The following LRRK2 variants were observed in gnomAD, a reference collection of about 807,000 sequenced individuals.
LRRK2 encodes the protein leucine rich repeat kinase 2.
Under a neutral mutation model 302.6 loss-of-function variants are expected in LRRK2, and 203 were observed. The ratio of observed to expected loss-of-function variants is 0.67; its 90% CI spans 0.60 to 0.75. The LOEUF (loss-of-function observed/expected upper bound fraction) is 0.75. Among genes scored for constraint, LRRK2 ranks in the 30% least tolerant of loss-of-function variants. LRRK2 has a pLI of 0.00. For missense variants in LRRK2, 2,830 were observed against 2,951.0 expected (o/e 0.96, Z 0.95); for synonymous variants, 1,066 against 1,031.9 (o/e 1.03, Z -0.63).
rs776796340 is a variant in LRRK2, at chr12:40,302,863, G to A, written c.3571G>A (p.Ala1191Thr). 5 of 1,598,734 alleles carry A rather than the reference G, an allele frequency of 3.1e-6. No individual in the cohort carries two copies. The highest frequency in any genetic ancestry group is 4.3e-6 in the Non-Finnish European group (5 of 1,166,830). ...SQNKFSCIPE[A>T]ILNLPHLRSL... ...GAACAAATTTTCCTGTATTCCAGAA[G>A]CAATTTTAAATCTTCCACAGTAAGT... Residue 1191 changes from alanine (A) to threonine (T), a missense_variant, in exon 26 of 51, where the codon GCA becomes ACA. By Grantham distance (58) the Ala-to-Thr change is moderately conservative (BLOSUM62 0). Transcript: ENST00000298910.
intron 41 of LRRK2, among the ~76,000 whole-genome samples, chr12:40,342,487 T>TA (rs758294393): frequency 1.3e-5 from 2 of 151,506 alleles, no homozygotes; most frequent in Admixed American, 1.3e-4. Context: ...AGCTTTTTTT[T>TA]TTTTTCTGGC....
In LRRK2 at chr12:40,340,293, G is replaced by C; in HGVS notation, c.5949-1G>C. ...AAGATTTCCTGTGCATTTTCTGGCA[G>C]ATACCTCCACTCAGCCATGATTATA... On this transcript the variant is annotated splice_acceptor_variant, in intron 40 of 50. Coordinates refer to ENST00000298910, the MANE Select transcript of LRRK2 (RefSeq NM_198578.4). LOFTEE classifies it high-confidence loss of function. 1 of 1,613,592 alleles carries C rather than the reference G, an allele frequency of 6.2e-7. No individual in the cohort carries two copies. The highest frequency in any genetic ancestry group is 8.5e-7 in the Non-Finnish European group (1 of 1,179,596).
In LRRK2 at chr12:40,305,944, T is replaced by A. The variant is rs778154154; in HGVS notation, c.3937T>A (p.Cys1313Ser). The A allele has an allele frequency of 1.2e-6, 2 of 1,610,744 alleles. No individual in the cohort carries two copies. The highest frequency in any genetic ancestry group is 1.7e-5 in the Admixed American group (1 of 59,802). ...TAACTTTGATTTTAAACATATAGGA[T>A]GTAAAGCCAAAGACATCATAAGGTT... ...HLNFDFKHIGCKAKDIIRFLQ... is the reference protein window; with the variant it reads ...HLNFDFKHIGSKAKDIIRFLQ... Residue 1313 changes from cysteine (C) to serine (S), a missense_variant, in exon 28 of 51, where the codon TGT (cysteine) becomes AGT (serine). Cys to Ser is a moderately radical substitution (Grantham distance 112, BLOSUM62 -1). Coordinates refer to ENST00000298910, the MANE Select transcript of LRRK2 (RefSeq NM_198578.4).
chr12:40,348,807 T>C (rs956859880), intron 43 of LRRK2, among the ~76,000 whole-genome samples: 2 of 152,116 alleles, frequency 1.3e-5, no homozygotes, highest in Non-Finnish European at 2.9e-5. Flanking sequence ...AAAAAATTTT[T>C]ATATATAACA....
intron 42 of LRRK2, among the ~76,000 whole-genome samples, chr12:40,347,334 A>T (rs958336313): frequency 5.3e-5 from 8 of 152,218 alleles, no homozygotes; most frequent in African/African-American, 1.7e-4. Context: ...AAGAATCGGT[A>T]AATGTGTATT....
chr12:40,337,654 A>G (rs1945915412), intron 40 of LRRK2, among the ~76,000 whole-genome samples: 1 of 152,168 alleles, frequency 6.6e-6, no homozygotes, highest in African/African-American at 2.4e-5. Context: ...TTGGTTCAGT[A>G]TGTCCAGGGA....
intron 7 of LRRK2, among the ~76,000 whole-genome samples, chr12:40,245,703 G>A (rs557221953): frequency 3.9e-5 from 6 of 152,008 alleles, no homozygotes; most frequent in South Asian, 2.1e-4. Flanking sequence ...TTTTTGCTAC[G>A]TATCTTATTT....
At chr12:40,350,462 G>A (rs1280031138) in intron 43 of LRRK2, among the ~76,000 whole-genome samples, 2 of 152,116 alleles carry the variant, frequency 1.3e-5, no homozygotes, top group East Asian at 1.9e-4. Context: ...ATTTTAAATT[G>A]TTTTTAGTTG....
chr12:40,330,496 A>G (rs1375749445), intron 39 of LRRK2, among the ~76,000 whole-genome samples: 2 of 152,102 alleles, frequency 1.3e-5, no homozygotes, highest in Non-Finnish European at 2.9e-5. Context: ...AACCTTTACA[A>G]GTATGTGTTT....
chr12:40,225,694 G>T, intron 2 of LRRK2, 54 bp downstream of exon 2: 1 of 1,463,928 alleles, frequency 6.8e-7, no homozygotes, highest in Non-Finnish European at 9.5e-7. Flanking sequence ...GGAAGGAGAC[G>T]TTTTACTGGC....
chr12:40,320,177 T>C lies in LRRK2; in HGVS notation c.5015+2T>C, dbSNP rs1945356623. 1 of 1,610,454 alleles carries C rather than the reference T, an allele frequency of 6.2e-7. No homozygotes were observed. The highest frequency in any genetic ancestry group is 8.5e-7 in the Non-Finnish European group (1 of 1,177,948). ...AGAATATTTGCTGGTTCCAAGCAGG[T>C]AAAGAAAACCTTAAAAAATTAATTG... On this transcript the variant is annotated splice_donor_variant, in intron 34 of 50. Coordinates refer to ENST00000298910, the MANE Select transcript of LRRK2 (RefSeq NM_198578.4). LOFTEE classifies it high-confidence loss of function.
chr12:40,348,586 A>G (rs1166513457), intron 43 of LRRK2, 77 bp downstream of exon 43: 1 of 910,306 alleles, frequency 1.1e-6, no homozygotes, highest in Admixed American at 2.1e-5. Flanking sequence ...CTTCAAATAT[A>G]TATACTTAAA....
At chr12:40,264,046 A>G (rs1283008900) in intron 14 of LRRK2, 145 bp downstream of exon 14, 11 of 634,266 alleles carry the variant, frequency 1.7e-5, no homozygotes, top group Non-Finnish European at 2.6e-5. Context: ...ATAAGATGAC[A>G]GTGGGGATGT....
chr12:40,321,136 A>C lies in LRRK2; in HGVS notation c.5118A>C (p.Ser1706=). ...CTTATTTTCCAATGGGATTTTGGTC[A>C]AGATTAATCAATCGATTACTTGAGA... ...EMPYFPMGFW[S]RLINRLLEIS... is the part of the protein sequence containing the mutation. The change falls in exon 35 of 51, where the codon TCA becomes TCC. Residue 1706 remains serine, a synonymous_variant. Transcript: ENST00000298910. 6.2e-7 allele frequency: 1 copy of C among 1,612,862 alleles called. No homozygotes were observed. Among genetic ancestry groups the C allele is most frequent in the East Asian group, 2.2e-5 (1 of 44,828 alleles).
chr12:40,304,577 A>G (rs1235106524), intron 27 of LRRK2: 2 of 163,760 alleles, frequency 1.2e-5, no homozygotes, highest in African/African-American at 4.8e-5. Context: ...ATTAACTCAA[A>G]TTATTCTTAA....
chr12:40,362,679 A>G (rs1412068956), intron 47 of LRRK2, among the ~76,000 whole-genome samples: 1 of 152,106 alleles, frequency 6.6e-6, no homozygotes, highest in Non-Finnish European at 1.5e-5. Flanking sequence ...CCGACATTTA[A>G]GTTCATCCTC....
chr12:40,327,265 A>G (rs1333819547), intron 38 of LRRK2, among the ~76,000 whole-genome samples: 1 of 152,220 alleles, frequency 6.6e-6, no homozygotes, highest in Non-Finnish European at 1.5e-5. Context: ...GGAGGCCTGA[A>G]GGTACAAAGC....
At chr12:40,284,591 A>G (rs929069612) in intron 19 of LRRK2, among the ~76,000 whole-genome samples, 17 of 152,096 alleles carry the variant, frequency 1.1e-4, no homozygotes, top group African/African-American at 3.9e-4. Context: ...TTAACTTAGA[A>G]TATACTTTAT....
In LRRK2 at chr12:40,243,645, G is replaced by T; in HGVS notation, c.802G>T (p.Glu268Ter). The change falls in exon 7 of 51, where the codon GAA (glutamate) becomes TAA (stop). Residue 268 changes from glutamate to a stop codon, truncating the protein, a stop_gained. Coordinates refer to ENST00000298910, the MANE Select transcript of LRRK2 (RefSeq NM_198578.4). LOFTEE classifies it high-confidence loss of function. ...ATTCCCTATGAGTGAAAGAATTCAAGAAGTGAGTTGCTGTTTGCTCCATAG... is the reference window on the plus strand; with the variant it reads ...ATTCCCTATGAGTGAAAGAATTCAATAAGTGAGTTGCTGTTTGCTCCATAG... ...KAFPMSERIQ[E>*]VSCCLLHRLT... is the part of the protein sequence containing the mutation. The T allele has an allele frequency of 1.2e-6, 2 of 1,612,044 alleles. No individual in the cohort carries two copies. The highest frequency in any genetic ancestry group is 4.5e-5 in the East Asian group (2 of 44,722).
Sources: gnomAD v4.1 joint callset for allele counts (sites outside exome capture counted in the v4.1 genomes callset) on GRCh38, gnomAD v4.1.1 for gene constraint, MANE v1.5 for transcripts, NCBI Gene and HGNC (gene_info 2026-07-23, HGNC 2026-07-21) for gene names.